Variants in CLIC5 observed in about 807,000 individuals in gnomAD.
CLIC5 encodes the protein CLIC family member 5.
In CLIC5, 20 loss-of-function variants were observed where a neutral mutation model predicts 24.7. The ratio of observed to expected loss-of-function variants is 0.81; its 90% CI spans 0.57 to 1.18. The LOEUF (loss-of-function observed/expected upper bound fraction) is 1.18. CLIC5 is among the 50% of genes most tolerant of loss of function. The pLI is 0.00. For synonymous variants in CLIC5, 159 were observed against 135.6 expected, an observed-to-expected ratio of 1.17 and a Z score of -1.20; for missense variants, 341 against 326.1, an observed-to-expected ratio of 1.05 and a Z score of -0.35.
the CLIC5 span, among the ~76,000 whole-genome samples, chr6:46,097,826 T>G: frequency 6.6e-6 from 1 of 152,230 alleles, no homozygotes; most frequent in African/African-American, 2.4e-5. Flanking sequence ...TATTTTTTTT[T>G]GCTGAGTTAA....
chr6:45,928,766 A>G (rs924478801), intron 4 of CLIC5, among the ~76,000 whole-genome samples: 3 of 67,962 alleles, frequency 4.4e-5, no homozygotes, highest in Non-Finnish European at 7.9e-5. Context: ...CGAAGTGCAT[A>G]AGTGTGTGTG....
At chr6:46,021,828 T>C (rs747581870) in intron 1 of CLIC5, among the ~76,000 whole-genome samples, 5 of 152,272 alleles carry the variant, frequency 3.3e-5, no homozygotes, top group Non-Finnish European at 5.9e-5. Context: ...CTGATAGAAC[T>C]ACTTTGCATC....
chr6:45,881,859 C>G (rs1483950745), intron 6 of CLIC5, among the ~76,000 whole-genome samples: 1 of 152,102 alleles, frequency 6.6e-6, no homozygotes, highest in Non-Finnish European at 1.5e-5. Flanking sequence ...AACCTGACCA[C>G]CAAGGGCATG....
intron 1 of CLIC5, among the ~76,000 whole-genome samples, chr6:45,971,893 A>T (rs1429955711): frequency 1.3e-5 from 2 of 152,134 alleles, no homozygotes; most frequent in Non-Finnish European, 2.9e-5. Flanking sequence ...ATTTTCCCCT[A>T]TGTCCTCCTA....
chr6:45,919,869 C>A lies in CLIC5; in HGVS notation c.407-5460G>T, dbSNP rs191176600. 1.1e-4 allele frequency among the ~76,000 whole-genome samples: 17 copies of A among 152,246 alleles called. No individual in the cohort carries two copies. The East Asian group carries it at 2.1e-3, about 19-fold the overall frequency. On this transcript the variant is annotated intron_variant, in intron 4 of 5. Coordinates refer to ENST00000339561, the MANE Select transcript of CLIC5 (RefSeq NM_016929.5). ...GAATGCCTAGGGCAGATTAGAATCA[C>A]GTACTCAGAGTGACAGAGAGAAAAA...
intron 4 of CLIC5, among the ~76,000 whole-genome samples, chr6:45,918,148 A>G (rs1163325135): frequency 1.3e-5 from 2 of 152,230 alleles, no homozygotes; most frequent in African/African-American, 2.4e-5. Context: ...GGAATAGTTC[A>G]TAAATATTCT....
In CLIC5 at chr6:45,926,485, T is replaced by C. The variant is rs558918383; in HGVS notation, c.407-12076A>G. ...ATTGGCCAGGCTGGTCTTGAACTCC[T>C]GACCTTGTGATCCGCCCCCCTCGGC... On this transcript the variant is annotated intron_variant, in intron 4 of 5. Coordinates refer to ENST00000339561, the MANE Select transcript of CLIC5 (RefSeq NM_016929.5). Among the ~76,000 whole-genome samples the C allele has an allele frequency of 2.0e-3, 299 of 151,900 alleles. 2 individuals are homozygous for C. Among genetic ancestry groups the C allele is most frequent in the East Asian group, 6.4e-3 (33 of 5,140 alleles).
At chr6:45,957,481 C>T (rs1764683784) in intron 1 of CLIC5, among the ~76,000 whole-genome samples, 1 of 152,128 alleles carries the variant, frequency 6.6e-6, no homozygotes, top group Non-Finnish European at 1.5e-5. Context: ...AGCTGCATGC[C>T]TGGAGCCAGC....
intron 1 of CLIC5, among the ~76,000 whole-genome samples, chr6:46,029,005 G>T (rs1299487070): frequency 6.6e-6 from 1 of 151,934 alleles, no homozygotes; most frequent in East Asian, 1.9e-4. Context: ...GGAAACCACT[G>T]ATCTTTTACT....
chr6:45,972,079 G>A (rs1314591266), intron 1 of CLIC5, among the ~76,000 whole-genome samples: 3 of 152,126 alleles, frequency 2.0e-5, no homozygotes, highest in African/African-American at 4.8e-5. Flanking sequence ...ACATACCAAA[G>A]GGCAGAACAG....
At chr6:45,917,717 C>T (rs1267766557) in intron 4 of CLIC5, among the ~76,000 whole-genome samples, 2 of 152,208 alleles carry the variant, frequency 1.3e-5, no homozygotes, top group Admixed American at 6.5e-5. Context: ...CTCCCACCTG[C>T]CAACTCATTC....
chr6:46,122,246 T>A, the CLIC5 span, among the ~76,000 whole-genome samples: 1 of 152,136 alleles, frequency 6.6e-6, no homozygotes, highest in Non-Finnish European at 1.5e-5. Context: ...GGCCACAGTG[T>A]AATCAAACTA....
intron 6 of CLIC5, among the ~76,000 whole-genome samples, chr6:45,892,821 G>A (rs1762364673): frequency 6.6e-6 from 1 of 152,158 alleles, no homozygotes; most frequent in Non-Finnish European, 1.5e-5. Flanking sequence ...GCTACTCAGA[G>A]CTCTCAGTGC....
At chr6:45,981,828 T>G (rs188744794) in intron 1 of CLIC5, among the ~76,000 whole-genome samples, 1 of 152,048 alleles carries the variant, frequency 6.6e-6, no homozygotes, top group Admixed American at 6.6e-5. Context: ...TGAAACCCCA[T>G]CTCTACAAAA....
rs143034261 is a variant in CLIC5, at chr6:46,030,974, C to A, written c.540+48729G>T. On this transcript the variant is annotated intron_variant, in intron 1 of 5. Transcript: ENST00000185206. ...TTAAACATCTGAAGCCCTAACAAAC[C>A]ATCATGTTTTAAAAAGAAGAAATTG... Among the ~76,000 whole-genome samples the A allele has an allele frequency of 4.0e-3, 608 of 152,230 alleles. 1 individual carries two copies. The highest frequency in any genetic ancestry group is 0.013 in the African/African-American group (548 of 41,546).
intron 5 of CLIC5, among the ~76,000 whole-genome samples, chr6:45,905,788 A>G (rs1300414890): frequency 6.6e-6 from 1 of 152,120 alleles, no homozygotes; most frequent in Admixed American, 6.6e-5. Context: ...TTCATCATAA[A>G]TTACTTCCCA....
chr6:46,022,742 T>C (rs1306215634), intron 1 of CLIC5, among the ~76,000 whole-genome samples: 1 of 152,198 alleles, frequency 6.6e-6, no homozygotes, highest in East Asian at 1.9e-4. Flanking sequence ...CCATCACTCA[T>C]CCCACTGATT....
chr6:45,912,742 A>AAGG, intron 5 of CLIC5: 1 of 1,529,128 alleles, frequency 6.5e-7, no homozygotes. Flanking sequence ...ACTTGTTCCT[A>AAGG]AGGAGAAGAA....
At chr6:45,967,718 G>A (rs371768122) in intron 1 of CLIC5, among the ~76,000 whole-genome samples, 1 of 152,148 alleles carries the variant, frequency 6.6e-6, no homozygotes, top group East Asian at 1.9e-4. Context: ...TCTGGTTAGG[G>A]CCTCAGGAAG....
Sources: allele counts gnomAD v4.1 joint callset (sites outside exome capture counted in the v4.1 genomes callset), GRCh38; gene constraint gnomAD v4.1.1; transcripts MANE v1.5; gene names NCBI Gene and HGNC (gene_info 2026-07-23, HGNC 2026-07-21).